Variants in FRMD4B observed in about 807,000 individuals in gnomAD.
The protein encoded by FRMD4B is FERM domain containing 4B, also known as FERM domain-containing protein 4B.
In FRMD4B, 74 loss-of-function variants were observed where a neutral mutation model predicts 141.5. The observed-to-expected ratio is 0.52, with a 90% CI of 0.43 to 0.63. The LOEUF is 0.63. FRMD4B is among the 30% of genes least tolerant of loss of function. FRMD4B has a pLI of 0.00. For missense variants in FRMD4B, 1,366 were observed against 1,253.4 expected, an observed-to-expected ratio of 1.09 and a Z score of -1.36; for synonymous variants, 506 against 467.9, an observed-to-expected ratio of 1.08 and a Z score of -1.05.
intron 9 of FRMD4B, among the ~76,000 whole-genome samples, chr3:69,219,821 C>T (rs1230369009): frequency 6.6e-6 from 1 of 152,130 alleles, no homozygotes; most frequent in Non-Finnish European, 1.5e-5. Flanking sequence ...TCCTCCCTGT[C>T]TCCATGTGTT....
intron 1 of FRMD4B, among the ~76,000 whole-genome samples, chr3:69,492,193 T>C (rs577359135): frequency 6.6e-6 from 1 of 152,112 alleles, no homozygotes; most frequent in African/African-American, 2.4e-5. Flanking sequence ...GAGTGAAAGT[T>C]TGCAAGACCT....
intron 1 of FRMD4B, chr3:69,472,336 C>A: frequency 2.1e-6 from 1 of 481,196 alleles, no homozygotes; most frequent in South Asian, 1.6e-5. Context: ...ATGCAACTCC[C>A]TGGGATTCTT....
At chr3:69,204,602 C>T (rs2093004090) in intron 11 of FRMD4B, among the ~76,000 whole-genome samples, 2 of 152,138 alleles carry the variant, frequency 1.3e-5, no homozygotes, top group Non-Finnish European at 1.5e-5. Flanking sequence ...ACTGTTAGTA[C>T]CTTCTGGAAT....
intron 1 of FRMD4B, among the ~76,000 whole-genome samples, chr3:69,358,433 C>A (rs1703385122): frequency 6.6e-6 from 1 of 152,140 alleles, no homozygotes; most frequent in Admixed American, 6.6e-5. Flanking sequence ...GCCATTTTCA[C>A]AGTATTAAGA....
At chr3:69,228,153 G>C (rs1342784234) in intron 7 of FRMD4B, among the ~76,000 whole-genome samples, 2 of 152,186 alleles carry the variant, frequency 1.3e-5, no homozygotes, top group African/African-American at 4.8e-5. Flanking sequence ...TTCCTATAAT[G>C]CACAGAACAG....
intron 17 of FRMD4B, among the ~76,000 whole-genome samples, chr3:69,192,843 G>A (rs752560013): frequency 7.3e-5 from 11 of 150,986 alleles, no homozygotes; most frequent in Non-Finnish European, 1.3e-4. Context: ...TTTGAGGCAG[G>A]GTCTTGCCCT....
At chr3:69,218,242 T>C (rs2093160061) in intron 10 of FRMD4B, 80 bp downstream of exon 10, 1 of 732,772 alleles carries the variant, frequency 1.4e-6, no homozygotes, top group East Asian at 2.7e-5. Flanking sequence ...ATAATCAGCC[T>C]TTTATATAGT....
intron 5 of FRMD4B, among the ~76,000 whole-genome samples, chr3:69,252,239 T>A (rs1046649408): frequency 1.8e-4 from 27 of 152,122 alleles, no homozygotes; most frequent in Non-Finnish European, 4.4e-5. Flanking sequence ...TTTAGAAGGG[T>A]TATTAAGTAT....
chr3:69,206,689 T>C (rs2093027255), intron 11 of FRMD4B, among the ~76,000 whole-genome samples: 1 of 152,364 alleles, frequency 6.6e-6, no homozygotes. Flanking sequence ...GTACCTAGTC[T>C]GGTTTTTAAA....
chr3:69,294,369 A>G (rs1700974207), intron 4 of FRMD4B, among the ~76,000 whole-genome samples: 1 of 152,196 alleles, frequency 6.6e-6, no homozygotes, highest in Non-Finnish European at 1.5e-5. Context: ...GCTGAAGTGT[A>G]ATTTAAGTGT....
intron 1 of FRMD4B, among the ~76,000 whole-genome samples, chr3:69,331,037 GT>G (rs1206201896): frequency 6.7e-6 from 1 of 150,254 alleles, no homozygotes; most frequent in African/African-American, 2.5e-5. Context: ...AGGAACGAAC[GT>G]GTCTTGTGAG....
chr3:69,468,629 G>C (rs987627323), intron 1 of FRMD4B, among the ~76,000 whole-genome samples: 1 of 152,154 alleles, frequency 6.6e-6, no homozygotes, highest in Non-Finnish European at 1.5e-5. Context: ...ACAAAAAATT[G>C]TCTCTCTTTT....
intron 5 of FRMD4B, among the ~76,000 whole-genome samples, chr3:69,252,661 A>G (rs1269054915): frequency 1.2e-4 from 19 of 152,204 alleles, no homozygotes; most frequent in Admixed American, 1.2e-3. Context: ...CATTTGATGA[A>G]ATTTAATTAA....
rs76981459 is a variant in FRMD4B, at chr3:69,236,889, T to C, written c.582-12199A>G. On this transcript the variant is annotated intron_variant, in intron 7 of 22. Coordinates refer to ENST00000398540, the MANE Select transcript of FRMD4B (RefSeq NM_015123.3). ...CTCAATGCCTAATGCCACTCCTGAT[T>C]ATTGCAAGTTAGTTCCGAAAAACTG... Among the ~76,000 whole-genome samples the C allele has an allele frequency of 7.1e-3, 1,089 of 152,310 alleles. 18 individuals are homozygous for C. The highest frequency in any genetic ancestry group is 0.024 in the African/African-American group (1,001 of 41,568).
chr3:69,313,929 G>C (rs1434075045), intron 1 of FRMD4B, among the ~76,000 whole-genome samples: 1 of 149,404 alleles, frequency 6.7e-6, no homozygotes, highest in African/African-American at 2.5e-5. Context: ...CACGAGGTCA[G>C]GAGATCGAGA....
intron 7 of FRMD4B, among the ~76,000 whole-genome samples, chr3:69,243,662 T>C (rs1424108356): frequency 1.3e-5 from 2 of 152,234 alleles, no homozygotes; most frequent in Non-Finnish European, 2.9e-5. Flanking sequence ...TAACAATCTC[T>C]TTGGGCTTAA....
intron 4 of FRMD4B, among the ~76,000 whole-genome samples, chr3:69,296,534 T>C (rs1182116822): frequency 4.6e-5 from 7 of 152,186 alleles, no homozygotes; most frequent in Admixed American, 4.6e-4. Flanking sequence ...CTGAGGCAAC[T>C]GGCCTTTGTA....
chr3:69,243,608 G>C (rs1219371814), intron 7 of FRMD4B, among the ~76,000 whole-genome samples: 1 of 152,222 alleles, frequency 6.6e-6, no homozygotes, highest in Non-Finnish European at 1.5e-5. Context: ...ACAGGCAGTA[G>C]TGTGTGGTGG....
At chr3:69,438,712 G>A (rs1190610894) in intron 1 of FRMD4B, among the ~76,000 whole-genome samples, 4 of 151,994 alleles carry the variant, frequency 2.6e-5, no homozygotes, top group African/African-American at 9.7e-5. Flanking sequence ...GGGATGCTGG[G>A]GTCCTTGCCT....
Sources: allele counts gnomAD v4.1 joint callset (sites outside exome capture counted in the v4.1 genomes callset), GRCh38; gene constraint gnomAD v4.1.1; transcripts MANE v1.5; gene names NCBI Gene and HGNC (gene_info 2026-07-23, HGNC 2026-07-21).